The following CXXC4 variants were observed in gnomAD, a reference collection of about 807,000 sequenced individuals.
CXXC4 encodes the protein CXXC-type zinc finger protein 4.
Under a neutral mutation model 20.5 loss-of-function variants are expected in CXXC4, and 5 were observed. The observed-to-expected ratio is 0.24, with a 90% confidence interval of 0.13 to 0.51. The LOEUF is 0.51. CXXC4 is among the 20% of genes least tolerant of loss of function. The pLI, the probability that CXXC4 is intolerant of heterozygous loss-of-function variation, is 0.97. For synonymous variants in CXXC4, 250 were observed against 216.4 expected (o/e 1.16, Z -1.36); for missense variants, 419 against 496.4 (o/e 0.84, Z 1.48).
rs1449194624 is a variant in CXXC4 at position 104,491,550 on chromosome 4, C to T, written c.253G>A (p.Gly85Ser). The T allele has an allele frequency of 4.7e-6, 7 of 1,495,900 alleles. No homozygotes were observed. In the East Asian group the frequency reaches 1.1e-4, roughly 23 times the overall value. 92.7% of individuals were successfully genotyped at this position (1,495,900 alleles called of 1,614,324 possible). Reference protein sequence around the residue: ...AAAAAAAARIGMSPWNCDNAA... With the variant: ...AAAAAAAARISMSPWNCDNAA... ...TTGTCGCAGTTCCAGGGGGACATGCCGATGCGCGCGGCGGCCGCGGCGGCG... is the reference window on the plus strand; with the variant it reads ...TTGTCGCAGTTCCAGGGGGACATGCTGATGCGCGCGGCGGCCGCGGCGGCG... The change falls in exon 2 of 3, where the codon GGC becomes AGC. Residue 85 changes from glycine (G) to serine (S), a missense_variant. By Grantham distance (56) the Gly-to-Ser change is moderately conservative. This residue lies in a region of CXXC4 where 388 missense variants were observed against 416.0 expected (regional missense o/e 0.93). Coordinates refer to ENST00000394767, the MANE Select transcript of CXXC4 (RefSeq NM_025212.4).
chr4:104,485,158 G>A (rs1486544384), intron 2 of CXXC4, among the ~76,000 whole-genome samples: 2 of 151,996 alleles, frequency 1.3e-5, no homozygotes, highest in Non-Finnish European at 2.9e-5. Context: ...CCCCAGCTAA[G>A]ATCATCTGAC....
chr4:104,474,459 C>T (rs187846133), intron 2 of CXXC4, among the ~76,000 whole-genome samples: 15 of 152,026 alleles, frequency 9.9e-5, no homozygotes, highest in Admixed American at 7.9e-4. Flanking sequence ...GCTTTATACA[C>T]ACACAAAAGC....
rs147556012 is a variant in CXXC4, at chr4:104,490,959, G to T, written c.844C>A (p.Gln282Lys). ...GACGAGGAGGAGGAGGAATGATTCTGCGGGCAGTCTGCCAGATTGGCAATT... is the reference window on the plus strand; with the variant it reads ...GACGAGGAGGAGGAGGAATGATTCTTCGGGCAGTCTGCCAGATTGGCAATT... ...FQIANLADCP[Q>K]NHSSSSSSSS... Residue 282 changes from glutamine to lysine, a missense_variant, in exon 2 of 3, where the codon CAG becomes AAG. Physicochemically the swap from Gln to Lys is moderately conservative, Grantham distance 53. Transcript: ENST00000394767. The T allele has an allele frequency of 1.2e-6, 2 of 1,613,916 alleles. No individual in the cohort carries two copies. Among genetic ancestry groups the T allele is most frequent in the African/African-American group, 2.7e-5 (2 of 74,962 alleles).
intron 2 of CXXC4, among the ~76,000 whole-genome samples, chr4:104,482,133 A>T (rs1235373770): frequency 6.6e-6 from 1 of 152,200 alleles, no homozygotes; most frequent in Non-Finnish European, 1.5e-5. Context: ...ATAAACTCAT[A>T]TATTTTTCTG....
intron 2 of CXXC4, among the ~76,000 whole-genome samples, chr4:104,488,877 A>G (rs1736763020): frequency 6.6e-6 from 1 of 152,242 alleles, no homozygotes; most frequent in Admixed American, 6.5e-5. Context: ...TTAAATTGGG[A>G]TGCAAGTAGT....
At chr4:104,472,518 C>T (rs925547821) in intron 2 of CXXC4, 152 bp from the exon 3 acceptor site, 5 of 505,788 alleles carry the variant, frequency 9.9e-6, no homozygotes, top group Non-Finnish European at 1.4e-5. Context: ...AGAAGAAATG[C>T]TCAATCTTAG....
intron 2 of CXXC4, among the ~76,000 whole-genome samples, chr4:104,476,971 C>A (rs1484385652): frequency 6.6e-6 from 1 of 152,096 alleles, no homozygotes; most frequent in Non-Finnish European, 1.5e-5. Flanking sequence ...ACTGTATAAC[C>A]TTTTGAAATA....
chr4:104,482,702 A>T (rs557614133), intron 2 of CXXC4, among the ~76,000 whole-genome samples: 110 of 152,222 alleles, frequency 7.2e-4, no homozygotes, highest in Non-Finnish European at 1.2e-3. Context: ...AATGTATTTA[A>T]TCTTGTTTCA....
intron 1 of CXXC4, among the ~76,000 whole-genome samples, chr4:104,493,534 A>T (rs1736961461): frequency 6.6e-6 from 1 of 152,212 alleles, no homozygotes; most frequent in Non-Finnish European, 1.5e-5. Context: ...GTGCTCTAAA[A>T]AGAGGGGTTT....
In CXXC4 at chr4:104,491,428, TCCGCCGCCG is replaced by T. The variant is rs924648643; in HGVS notation, c.366_374del (p.Gly132_Gly134del). 75 of 823,398 alleles carry T rather than the reference TCCGCCGCCG, an allele frequency of 9.1e-5. No homozygotes were observed. Among genetic ancestry groups the T allele is most frequent in the Middle Eastern group, 4.7e-4 (1 of 2,134 alleles). 51.0% of individuals were successfully genotyped at this position (823,398 alleles called of 1,614,324 possible). A position where few individuals can be genotyped will look rare whatever the true frequency, so the allele number is the denominator to read the frequency against. Reference sequence around the variant, plus strand: ...CGCCCCCACCACCCCCGCCCCCGCCTCCGCCGCCGCCGCCGCCGCCGCCACCCCCCCCGC... The same window carrying T: ...CGCCCCCACCACCCCCGCCCCCGCCTCCGCCGCCGCCGCCACCCCCCCCGC... On this transcript the variant is annotated inframe_deletion, in exon 2 of 3. Transcript: ENST00000394767.
At chr4:104,488,471 G>C (rs1285691061) in intron 2 of CXXC4, among the ~76,000 whole-genome samples, 2 of 152,126 alleles carry the variant, frequency 1.3e-5, no homozygotes. Context: ...TTGAAAAAAA[G>C]CTTTTTATTT....
chr4:104,476,636 G>C (rs967560648), intron 2 of CXXC4, among the ~76,000 whole-genome samples: 1 of 150,684 alleles, frequency 6.6e-6, no homozygotes, highest in African/African-American at 2.5e-5. Flanking sequence ...TCATGATTAT[G>C]ATACTAGAAA....
At chr4:104,473,111 TAAGTA>T (rs1424453325) in intron 2 of CXXC4, among the ~76,000 whole-genome samples, 1 of 150,160 alleles carries the variant, frequency 6.7e-6, no homozygotes, top group African/African-American at 2.5e-5. Context: ...AAAATTCAGT[TAAGTA>T]ATTTATTCTG....
Position 104,491,972 on chromosome 4 carries a change from GC to G in CXXC4, c.-171del. ...TTCGGGTGGGGAGAGCAAGGTGAGG[GC>G]TGCTTTATTCCTCTCTGGGGCTCAT... is the stretch of plus-strand genomic sequence containing the variant. On this transcript the variant is annotated 5_prime_UTR_variant, in exon 2 of 3. Transcript: ENST00000394767. 2.4e-6 allele frequency: 1 copy of G among 419,464 alleles called. No homozygotes were observed. The highest frequency in any genetic ancestry group is 4.2e-6 in the Non-Finnish European group (1 of 237,904). 26.0% of individuals were successfully genotyped at this position (419,464 alleles called of 1,614,324 possible).
At chr4:104,474,683 T>C (rs1284464727) in intron 2 of CXXC4, among the ~76,000 whole-genome samples, 1 of 152,038 alleles carries the variant, frequency 6.6e-6, no homozygotes, top group Admixed American at 6.6e-5. Context: ...TATATTCACA[T>C]TTATGTGTAT....
At chr4:104,472,853 G>A (rs1321714448) in intron 2 of CXXC4, among the ~76,000 whole-genome samples, 1 of 151,888 alleles carries the variant, frequency 6.6e-6, no homozygotes, top group African/African-American at 2.4e-5. Context: ...CCTTTCTCAT[G>A]ATAGATATTT....
intron 2 of CXXC4, among the ~76,000 whole-genome samples, chr4:104,486,500 C>T (rs1369945848): frequency 6.6e-6 from 1 of 151,972 alleles, no homozygotes; most frequent in Admixed American, 6.6e-5. Flanking sequence ...TGTTAATATA[C>T]TATCATTTTG....
intron 1 of CXXC4, among the ~76,000 whole-genome samples, chr4:104,492,353 A>C (rs1049509934): frequency 2.0e-5 from 3 of 151,644 alleles, no homozygotes; most frequent in Non-Finnish European, 4.4e-5. Flanking sequence ...CGGGGGTGAC[A>C]AACGCCTAAG....
At chr4:104,490,032 T>G (rs923700369) in intron 2 of CXXC4, among the ~76,000 whole-genome samples, 7 of 152,206 alleles carry the variant, frequency 4.6e-5, no homozygotes, top group Admixed American at 4.6e-4. Context: ...TTAAACAAAA[T>G]CACTCTTATC....
Sources: gnomAD v4.1 joint callset for allele counts (sites outside exome capture counted in the v4.1 genomes callset) on GRCh38, gnomAD v4.1.1 for gene constraint, gnomAD v4.1.1 regional missense constraint, MANE v1.5 for transcripts, NCBI Gene and HGNC (gene_info 2026-07-23, HGNC 2026-07-21) for gene names.